TMEM232: variants seen among roughly 807,000 people sequenced by gnomAD.
TMEM232 encodes transmembrane protein 232.
TMEM232 carries 80 observed loss-of-function variants against 78.8 expected under a neutral mutation model. That is an observed-to-expected ratio of 1.01 (90% confidence interval 0.85 to 1.22). The LOEUF is 1.22. Ranked by LOEUF, TMEM232 falls within the 50% of genes most tolerant of loss-of-function variation. The pLI is 0.00. For missense variants in TMEM232, 881 were observed against 742.2 expected, an observed-to-expected ratio of 1.19 and a Z score of -2.17; for synonymous variants, 297 against 254.3, an observed-to-expected ratio of 1.17 and a Z score of -1.60.
chr5:110,704,790 C>T (rs144035714), intron 1 of TMEM232, among the ~76,000 whole-genome samples: 4 of 152,150 alleles, frequency 2.6e-5, no homozygotes, highest in Admixed American at 1.3e-4. Context: ...CCTGATTGGG[C>T]AGTTTTTAAT....
intron 3 of TMEM232, among the ~76,000 whole-genome samples, chr5:110,391,665 A>G (rs1235273187): frequency 1.3e-5 from 2 of 152,158 alleles, no homozygotes; most frequent in Non-Finnish European, 2.9e-5. Flanking sequence ...ATTTAAGAAT[A>G]TTGTACATAT....
At chr5:110,524,403 GAA>G (rs1242145512) in intron 12 of TMEM232, among the ~76,000 whole-genome samples, 9 of 76,684 alleles carry the variant, frequency 1.2e-4, no homozygotes, top group African/African-American at 3.5e-4. Context: ...AAGAAAGAAA[GAA>G]AGAAAGAAAG....
At chr5:110,555,059 A>AG (rs1774913356) in intron 11 of TMEM232, among the ~76,000 whole-genome samples, 2 of 151,818 alleles carry the variant, frequency 1.3e-5, no homozygotes, top group African/African-American at 4.8e-5. Context: ...ACTAGCTTTA[A>AG]GGTTGGTTTG....
At chr5:110,565,745 G>A (rs1393544500) in intron 11 of TMEM232, among the ~76,000 whole-genome samples, 1 of 151,894 alleles carries the variant, frequency 6.6e-6, no homozygotes, top group Non-Finnish European at 1.5e-5. Flanking sequence ...CCTGCTAAAT[G>A]TGAGTGCACA....
At chr5:110,714,409 C>A (rs1304696546) in intron 1 of TMEM232, among the ~76,000 whole-genome samples, 2 of 152,284 alleles carry the variant, frequency 1.3e-5, no homozygotes, top group East Asian at 3.9e-4. Context: ...TTTCACTGCT[C>A]CCCTTCTCCT....
chr5:110,427,161 A>G (rs1290700211), intron 12 of TMEM232, among the ~76,000 whole-genome samples: 1 of 149,028 alleles, frequency 6.7e-6, no homozygotes, highest in East Asian at 2.0e-4. Context: ...ATGTCTAAGC[A>G]TATAGGCTCT....
chr5:110,444,345 A>G (rs1459733029), intron 12 of TMEM232, among the ~76,000 whole-genome samples: 1 of 152,048 alleles, frequency 6.6e-6, no homozygotes, highest in Non-Finnish European at 1.5e-5. Context: ...CTCCACTGTG[A>G]CAGGGCTGCA....
chr5:110,691,082 C>G (rs771047651), intron 1 of TMEM232, among the ~76,000 whole-genome samples: 1 of 148,964 alleles, frequency 6.7e-6, no homozygotes, highest in African/African-American at 2.5e-5. Flanking sequence ...CACCATGACA[C>G]GTGCATACCT....
chr5:110,627,122 T>A (rs1162401385), intron 6 of TMEM232, among the ~76,000 whole-genome samples: 1 of 152,018 alleles, frequency 6.6e-6, no homozygotes, highest in African/African-American at 2.4e-5. Flanking sequence ...TTCTCCAAAT[T>A]TTTCCTAGTT....
intron 2 of TMEM232, among the ~76,000 whole-genome samples, chr5:110,646,397 A>G (rs571961464): frequency 2.0e-5 from 3 of 151,926 alleles, no homozygotes; most frequent in Admixed American, 6.6e-5. Context: ...ATGGAGGAGA[A>G]TCAAAAATCC....
intron 12 of TMEM232, among the ~76,000 whole-genome samples, chr5:110,437,465 T>C (rs1274970024): frequency 6.6e-6 from 1 of 152,068 alleles, no homozygotes; most frequent in Non-Finnish European, 1.5e-5. Flanking sequence ...AAGATAGTTG[T>C]TCCTTCTGTA....
At chr5:110,499,624 T>A (rs78381202) in intron 12 of TMEM232, among the ~76,000 whole-genome samples, 16,077 of 133,296 alleles carry the variant, frequency 0.12, 1,095 homozygotes, top group African/African-American at 0.25. Context: ...AATATATGTA[T>A]ACACCCCCCC....
At chr5:110,542,250 G>T (rs1157878229) in intron 11 of TMEM232, among the ~76,000 whole-genome samples, 1 of 151,910 alleles carries the variant, frequency 6.6e-6, no homozygotes, top group Admixed American at 6.6e-5. Flanking sequence ...CATTTTTTTT[G>T]TATTTTTTAT....
chr5:110,456,302 TACA>T lies in TMEM232; in HGVS notation c.1704-31389_1704-31387del, dbSNP rs1190298140. On this transcript the variant is annotated intron_variant, in intron 12 of 13. Transcript: ENST00000455884. Reference sequence around the variant, plus strand: ...AATTAGAAATTACAATAAAAAGATATACAACAACAAAAACATAAAATATGTTAC... The same window carrying T: ...AATTAGAAATTACAATAAAAAGATATACAACAAAAACATAAAATATGTTAC... Among the ~76,000 whole-genome samples, 14 of 151,832 alleles carry T rather than the reference TACA, an allele frequency of 9.2e-5. No homozygotes were observed. The East Asian group carries it at 1.9e-3, about 21-fold the overall frequency.
intron 12 of TMEM232, among the ~76,000 whole-genome samples, chr5:110,448,065 C>G (rs1580720801): frequency 1.3e-5 from 2 of 151,704 alleles, no homozygotes; most frequent in South Asian, 4.2e-4. Context: ...AAACTGAATA[C>G]TAAAGAAAAA....
chr5:110,736,655 C>G (rs1002168801), intron 1 of TMEM232, among the ~76,000 whole-genome samples: 2 of 151,814 alleles, frequency 1.3e-5, no homozygotes, highest in Non-Finnish European at 1.5e-5. Context: ...TATTTTTTGC[C>G]TCAGCTGCTT....
At chr5:110,617,975 C>T (rs138127324) in intron 8 of TMEM232, 3,932 of 169,662 alleles carry the variant, frequency 0.023, 50 homozygotes, top group African/African-American at 0.031. Flanking sequence ...TGCAACACTG[C>T]ATTCCAGCCT....
chr5:110,522,669 T>C (rs973067438), intron 12 of TMEM232, among the ~76,000 whole-genome samples: 1 of 152,196 alleles, frequency 6.6e-6, no homozygotes, highest in Non-Finnish European at 1.5e-5. Context: ...GTTGAGATTA[T>C]TACGTAATTT....
intron 8 of TMEM232, among the ~76,000 whole-genome samples, chr5:110,610,214 GGA>G (rs1782019127): frequency 6.8e-6 from 1 of 146,252 alleles, no homozygotes; most frequent in Non-Finnish European, 1.5e-5. Flanking sequence ...AAGGAAGGAA[GGA>G]AGGGAGGGAG....
Sources: allele counts gnomAD v4.1 joint callset (sites outside exome capture counted in the v4.1 genomes callset), GRCh38; gene constraint gnomAD v4.1.1; transcripts MANE v1.5; gene names NCBI Gene and HGNC (gene_info 2026-07-23, HGNC 2026-07-21).